The following HIBADH variants were observed in gnomAD, a reference collection of about 807,000 sequenced individuals.
HIBADH encodes 3-hydroxyisobutyrate dehydrogenase, also known as 3-hydroxyisobutyrate dehydrogenase, mitochondrial.
In HIBADH, 25 loss-of-function variants were observed where a neutral mutation model predicts 36.1. The observed-to-expected ratio is 0.69, with a 90% CI of 0.50 to 0.97. HIBADH has a LOEUF of 0.97. HIBADH is among the 50% of genes least tolerant of loss of function. The pLI is 0.00. For synonymous variants in HIBADH, 160 were observed against 149.5 expected (o/e 1.07, Z -0.51); for missense variants, 421 against 418.0 (o/e 1.01, Z -0.06).
intron 4 of HIBADH, among the ~76,000 whole-genome samples, chr7:27,554,676 A>G (rs1360640460): frequency 1.3e-5 from 2 of 152,204 alleles, no homozygotes; most frequent in Admixed American, 1.3e-4. Flanking sequence ...AATGGCTGTC[A>G]GAGGAGAGAG....
At chr7:27,650,917 C>A (rs936550561) in intron 1 of HIBADH, among the ~76,000 whole-genome samples, 3 of 152,120 alleles carry the variant, frequency 2.0e-5, no homozygotes, top group Admixed American at 2.0e-4. Flanking sequence ...TAAATATTCA[C>A]TGCATGAAGT....
intron 1 of HIBADH, among the ~76,000 whole-genome samples, chr7:27,659,562 A>C (rs1786375779): frequency 6.6e-6 from 1 of 151,912 alleles, no homozygotes; most frequent in South Asian, 2.1e-4. Flanking sequence ...AAAAAAAATA[A>C]ATAAATAAAT....
intron 2 of HIBADH, among the ~76,000 whole-genome samples, chr7:27,635,142 T>C (rs572338915): frequency 2.0e-5 from 3 of 151,612 alleles, no homozygotes; most frequent in Non-Finnish European, 4.4e-5. Context: ...CTCTAATTTG[T>C]ACTACAAAGG....
intron 1 of HIBADH, among the ~76,000 whole-genome samples, chr7:27,651,969 T>G (rs544553060): frequency 1.3e-5 from 2 of 152,036 alleles, no homozygotes; most frequent in East Asian, 3.9e-4. Context: ...GGAGGGGAAC[T>G]CCATACAGAA....
intron 2 of HIBADH, among the ~76,000 whole-genome samples, chr7:27,638,089 T>C (rs140623660): frequency 6.6e-5 from 10 of 151,942 alleles, no homozygotes; most frequent in African/African-American, 2.2e-4. Flanking sequence ...AAAATTTATA[T>C]GGAACCAAAA....
At chr7:27,536,691 T>C (rs1400227689) in intron 6 of HIBADH, among the ~76,000 whole-genome samples, 1 of 152,132 alleles carries the variant, frequency 6.6e-6, no homozygotes, top group Non-Finnish European at 1.5e-5. Flanking sequence ...ACTTAGCCTA[T>C]ACAAAACTTC....
At chr7:27,602,887 C>A (rs1210790936) in intron 4 of HIBADH, among the ~76,000 whole-genome samples, 1 of 152,052 alleles carries the variant, frequency 6.6e-6, no homozygotes, top group Non-Finnish European at 1.5e-5. Context: ...CTTGCCAGTT[C>A]CCTTCTCAAC....
intron 4 of HIBADH, among the ~76,000 whole-genome samples, chr7:27,580,567 ATTAT>A (rs1163601513): frequency 6.6e-6 from 1 of 152,200 alleles, no homozygotes; most frequent in Non-Finnish European, 1.5e-5. Flanking sequence ...ACAAGGAAAG[ATTAT>A]TTATTAAGCT....
chr7:27,552,696 T>C (rs1048081761), intron 4 of HIBADH, among the ~76,000 whole-genome samples: 1 of 152,204 alleles, frequency 6.6e-6, no homozygotes, highest in Non-Finnish European at 1.5e-5. Context: ...GAAACTGTAT[T>C]TCACAAGTAT....
chr7:27,571,868 C>G (rs1276774328), intron 4 of HIBADH, among the ~76,000 whole-genome samples: 2 of 152,106 alleles, frequency 1.3e-5, no homozygotes, highest in Admixed American at 6.5e-5. Context: ...GAACTCTATG[C>G]CCATAAATTC....
At chr7:27,657,597 A>G (rs1258007261) in intron 1 of HIBADH, among the ~76,000 whole-genome samples, 1 of 152,158 alleles carries the variant, frequency 6.6e-6, no homozygotes, top group Non-Finnish European at 1.5e-5. Context: ...ATGGGCCAAC[A>G]TGAATGTGAA....
chr7:27,543,582 T>C (rs1213780374), intron 4 of HIBADH, among the ~76,000 whole-genome samples: 1 of 152,214 alleles, frequency 6.6e-6, no homozygotes, highest in African/African-American at 2.4e-5. Context: ...AAGTGAGATC[T>C]ACAAAGAGGG....
At chr7:27,623,952 C>T (rs550828349) in intron 4 of HIBADH, among the ~76,000 whole-genome samples, 43 of 152,300 alleles carry the variant, frequency 2.8e-4, no homozygotes, top group Admixed American at 2.6e-3. Context: ...CGCATGCCAC[C>T]GTGGCCAGCC....
chr7:27,552,774 G>A (rs1393925271), intron 4 of HIBADH, among the ~76,000 whole-genome samples: 1 of 152,178 alleles, frequency 6.6e-6, no homozygotes, highest in African/African-American at 2.4e-5. Context: ...TAATGCACCT[G>A]TTCCTACTTG....
At chr7:27,590,486 T>C (rs902397388) in intron 4 of HIBADH, among the ~76,000 whole-genome samples, 1 of 152,192 alleles carries the variant, frequency 6.6e-6, no homozygotes, top group Non-Finnish European at 1.5e-5. Context: ...TCTGAATAGT[T>C]TCTTCTTGAT....
At chr7:27,626,811 T>C (rs553857239) in intron 4 of HIBADH, among the ~76,000 whole-genome samples, 1 of 152,304 alleles carries the variant, frequency 6.6e-6, no homozygotes, top group Non-Finnish European at 1.5e-5. Flanking sequence ...AAATCCATGA[T>C]GCATTTTTTA....
intron 4 of HIBADH, among the ~76,000 whole-genome samples, chr7:27,621,857 T>C (rs1022375601): frequency 9.2e-5 from 14 of 151,884 alleles, no homozygotes; most frequent in African/African-American, 3.4e-4. Flanking sequence ...TAACTAAAAT[T>C]AATACAAAGA....
chr7:27,553,562 T>G (rs939809089), intron 4 of HIBADH, among the ~76,000 whole-genome samples: 1 of 152,228 alleles, frequency 6.6e-6, no homozygotes, highest in Non-Finnish European at 1.5e-5. Flanking sequence ...GGAGGACTGA[T>G]GCAGTACAGA....
At chr7:27,527,147 G>C (rs1783915001) in intron 7 of HIBADH, among the ~76,000 whole-genome samples, 1 of 152,086 alleles carries the variant, frequency 6.6e-6, no homozygotes, top group African/African-American at 2.4e-5. Context: ...AAAGCAAGGA[G>C]AGGGGGATGG....
Sources: gnomAD v4.1 joint callset for allele counts (sites outside exome capture counted in the v4.1 genomes callset) on GRCh38, gnomAD v4.1.1 for gene constraint, MANE v1.5 for transcripts, NCBI Gene and HGNC (gene_info 2026-07-23, HGNC 2026-07-21) for gene names.